SLC26A7: variants seen among roughly 807,000 people sequenced by gnomAD.
The protein encoded by SLC26A7 is solute carrier family 26 member 7, also known as anion exchange transporter.
In SLC26A7, 59 loss-of-function variants were observed where a neutral mutation model predicts 82.5. That is an observed-to-expected ratio of 0.72 (90% CI 0.58 to 0.89). SLC26A7 has a LOEUF of 0.89. SLC26A7 is among the 40% of genes least tolerant of loss of function. The pLI is 0.00. For synonymous variants in SLC26A7, 271 were observed against 274.3 expected (o/e 0.99, Z 0.12); for missense variants, 820 against 793.0 (o/e 1.03, Z -0.41).
intron 15 of SLC26A7, among the ~76,000 whole-genome samples, chr8:91,372,471 C>T (rs1416381074): frequency 6.6e-6 from 1 of 151,870 alleles, no homozygotes; most frequent in African/African-American, 2.4e-5. Context: ...TTTCCCAGCA[C>T]CATTTTTGAA....
chr8:91,216,514 T>C (rs1014673366), intron 1 of SLC26A7, among the ~76,000 whole-genome samples: 2 of 152,176 alleles, frequency 1.3e-5, no homozygotes, highest in African/African-American at 2.4e-5. Context: ...TTCAGGTTTC[T>C]TAAAGAGGAG....
At chr8:91,219,270 T>C (rs1421510915) in intron 2 of SLC26A7, 1 of 256,620 alleles carries the variant, frequency 3.9e-6, no homozygotes, top group Non-Finnish European at 7.3e-6. Flanking sequence ...TATTTTTTCC[T>C]GCTGTTTTAT....
intron 15 of SLC26A7, among the ~76,000 whole-genome samples, chr8:91,382,991 C>CT (rs1372346779): frequency 6.6e-6 from 1 of 152,054 alleles, no homozygotes; most frequent in Non-Finnish European, 1.5e-5. Context: ...AGAGGCAGGA[C>CT]TTAAGTCCCT....
At chr8:91,293,097 A>G (rs183636405) in intron 3 of SLC26A7, among the ~76,000 whole-genome samples, 137 of 152,340 alleles carry the variant, frequency 9.0e-4, no homozygotes, top group Admixed American at 6.3e-3. Flanking sequence ...TAGGTATTTT[A>G]TCATCATTTT....
chr8:91,333,958 C>T (rs539222757), intron 5 of SLC26A7, among the ~76,000 whole-genome samples: 6 of 152,194 alleles, frequency 3.9e-5, no homozygotes, highest in East Asian at 1.9e-4. Context: ...GTCCCCTGAC[C>T]GCTGTTAATG....
intron 1 of SLC26A7, among the ~76,000 whole-genome samples, chr8:91,216,277 C>A (rs1245438715): frequency 6.6e-6 from 1 of 152,102 alleles, no homozygotes; most frequent in Non-Finnish European, 1.5e-5. Context: ...TGCATTCCTG[C>A]TTGCAATAAG....
At chr8:91,237,554 T>C (rs1197551615) in intron 2 of SLC26A7, among the ~76,000 whole-genome samples, 1 of 152,198 alleles carries the variant, frequency 6.6e-6, no homozygotes, top group Non-Finnish European at 1.5e-5. Flanking sequence ...CCTTTACTTC[T>C]TACCTCTTTC....
At chr8:91,269,349 C>T (rs927034816) in intron 2 of SLC26A7, among the ~76,000 whole-genome samples, 1 of 152,010 alleles carries the variant, frequency 6.6e-6, no homozygotes, top group Non-Finnish European at 1.5e-5. Flanking sequence ...GTTAACTTCG[C>T]TTAGTACATA....
intron 2 of SLC26A7, among the ~76,000 whole-genome samples, chr8:91,219,883 A>C (rs1174527353): frequency 6.6e-6 from 1 of 152,176 alleles, no homozygotes; most frequent in Admixed American, 6.6e-5. Context: ...ATGTTCAGAA[A>C]AGTGAGAAAT....
intron 1 of SLC26A7, among the ~76,000 whole-genome samples, chr8:91,215,873 C>T (rs1248407919): frequency 1.3e-5 from 2 of 152,082 alleles, no homozygotes; most frequent in African/African-American, 4.8e-5. Context: ...TTCAAATGGA[C>T]ATATGTCGTA....
rs1475770004 is a variant in SLC26A7, at chr8:91,351,868, T to G, written c.1199T>G (p.Leu400Trp). The G allele has an allele frequency of 4.1e-5, 66 of 1,612,078 alleles. No homozygotes were observed. Among genetic ancestry groups the G allele is most frequent in the Non-Finnish European group, 5.5e-5 (65 of 1,178,412 alleles). Residue 400 changes from leucine to tryptophan, a missense_variant, in exon 10 of 19, where the codon TTG becomes TGG. By Grantham distance (61) the Leu-to-Trp change is moderately conservative. Transcript: ENST00000276609. ...ATAGTCATCTATGCAATAGGACCTTTGCTTTACTGGCTGCCCATGGTACGG... is the reference window on the plus strand; with the variant it reads ...ATAGTCATCTATGCAATAGGACCTTGGCTTTACTGGCTGCCCATGGTACGG... Reference protein sequence around the residue: ...VLIVIYAIGPLLYWLPMCVLA... With the variant: ...VLIVIYAIGPWLYWLPMCVLA...
At chr8:91,277,912 A>T (rs7006997) in intron 2 of SLC26A7, among the ~76,000 whole-genome samples, 16,704 of 152,084 alleles carry the variant, frequency 0.11, 1,071 homozygotes, top group Middle Eastern at 0.2. Flanking sequence ...ACCATATATC[A>T]TTAGGGAGTG....
chr8:91,361,727 G>A (rs939608164), intron 11 of SLC26A7, among the ~76,000 whole-genome samples: 1 of 152,090 alleles, frequency 6.6e-6, no homozygotes, highest in African/African-American at 2.4e-5. Context: ...GACAATTAGA[G>A]CTTCGTGTAA....
intron 2 of SLC26A7, among the ~76,000 whole-genome samples, chr8:91,280,066 C>G (rs941557590): frequency 1.3e-5 from 2 of 152,154 alleles, no homozygotes; most frequent in African/African-American, 4.8e-5. Flanking sequence ...GTTGTCTCTT[C>G]ACTCTTTTCC....
At chr8:91,358,553 A>T (rs55821740) in intron 11 of SLC26A7, among the ~76,000 whole-genome samples, 1 of 151,870 alleles carries the variant, frequency 6.6e-6, no homozygotes, top group Non-Finnish European at 1.5e-5. Context: ...GATGGTCTCG[A>T]TCTGCTGACA....
At chr8:91,272,959 A>G (rs1271429928) in intron 2 of SLC26A7, among the ~76,000 whole-genome samples, 1 of 152,208 alleles carries the variant, frequency 6.6e-6, no homozygotes, top group Non-Finnish European at 1.5e-5. Flanking sequence ...TGGCAGTAGG[A>G]ATAGAAAAGA....
intron 1 of SLC26A7, among the ~76,000 whole-genome samples, chr8:91,214,518 C>G (rs1810002654): frequency 6.6e-6 from 1 of 152,128 alleles, no homozygotes; most frequent in South Asian, 2.1e-4. Flanking sequence ...CATACAATGA[C>G]TAACACTAAG....
intron 5 of SLC26A7, among the ~76,000 whole-genome samples, chr8:91,319,958 C>T (rs935936991): frequency 1.4e-5 from 2 of 145,646 alleles, no homozygotes; most frequent in Non-Finnish European, 3.0e-5. Flanking sequence ...TTAAACACTT[C>T]GGTTAAAGGT....
At chr8:91,358,925 G>A (rs1030058854) in intron 11 of SLC26A7, among the ~76,000 whole-genome samples, 4 of 151,954 alleles carry the variant, frequency 2.6e-5, no homozygotes, top group African/African-American at 7.3e-5. Flanking sequence ...CACCAGGGCC[G>A]GTTGTGGGTT....
Sources: allele counts gnomAD v4.1 joint callset (sites outside exome capture counted in the v4.1 genomes callset), GRCh38; gene constraint gnomAD v4.1.1; transcripts MANE v1.5; gene names NCBI Gene and HGNC (gene_info 2026-07-23, HGNC 2026-07-21).